Variants in DYNC1I1 observed in about 807,000 individuals in gnomAD.
DYNC1I1 encodes dynein cytoplasmic 1 intermediate chain 1, also known as cytoplasmic dynein 1 intermediate chain 1.
In DYNC1I1, 43 loss-of-function variants were observed where a neutral mutation model predicts 86.6. The ratio of observed to expected loss-of-function variants is 0.50; its 90% CI spans 0.39 to 0.64. The LOEUF is 0.64. Among genes scored for constraint, DYNC1I1 ranks in the 30% least tolerant of loss-of-function variants. The probability of loss-of-function intolerance (pLI) is 0.00; values close to 1 mark genes in which losing one functional copy is unlikely to be tolerated. For missense variants in DYNC1I1, 604 were observed against 788.8 expected (o/e 0.77, Z 2.81); for synonymous variants, 262 against 283.7 (o/e 0.92, Z 0.77).
intron 10 of DYNC1I1, among the ~76,000 whole-genome samples, chr7:96,000,722 T>C (rs1379579959): frequency 6.6e-6 from 1 of 152,212 alleles, no homozygotes; most frequent in Non-Finnish European, 1.5e-5. Context: ...TCATTCTTTA[T>C]CTACCCTCCT....
chr7:95,984,993 G>A lies in DYNC1I1; in HGVS notation c.743+16G>A, dbSNP rs764558914. On this transcript the variant is annotated intron_variant, in intron 8 of 16. Transcript: ENST00000447467. ...AAAAAGATGGGTTAGTCTCTTGTGT[G>A]CATTCTTTAAAAAATAGCGTAAGTT... 9 of 1,603,958 alleles carry A rather than the reference G, an allele frequency of 5.6e-6. No homozygotes were observed. The highest frequency in any genetic ancestry group is 2.2e-5 in the East Asian group (1 of 44,654).
At chr7:95,806,892 A>G (rs1037419973) in intron 2 of DYNC1I1, among the ~76,000 whole-genome samples, 3 of 152,172 alleles carry the variant, frequency 2.0e-5, no homozygotes, top group Admixed American at 6.6e-5. Context: ...ACATAAACAC[A>G]GTGATTATGC....
intron 6 of DYNC1I1, among the ~76,000 whole-genome samples, chr7:95,929,572 T>TACTCAAATCAGG (rs1367025796): frequency 1.3e-5 from 2 of 152,302 alleles, no homozygotes; most frequent in African/African-American, 2.4e-5. Flanking sequence ...TGCAGGAAAG[T>TACTCAAATCAGG]ACTCAAATCA....
At position 95,956,117 on chromosome 7, in the gene DYNC1I1, A is replaced by G. The variant is rs930404730; in HGVS notation, c.491-21395A>G. Among the ~76,000 whole-genome samples, 7 of 152,186 alleles carry G rather than the reference A, an allele frequency of 4.6e-5. No homozygotes were observed. The East Asian group carries it at 1.3e-3, about 29-fold the overall frequency. ...TTCCCTGTGATGTGATTGACAGTCT[A>G]TAACAGGAGTATTCCTAGCCATGTT... On this transcript the variant is annotated intron_variant, in intron 6 of 16. Coordinates refer to ENST00000447467, the MANE Select transcript of DYNC1I1 (RefSeq NM_001135556.2).
chr7:96,091,278 G>A (rs755576618), intron 16 of DYNC1I1, among the ~76,000 whole-genome samples: 4 of 152,138 alleles, frequency 2.6e-5, no homozygotes, highest in Non-Finnish European at 5.9e-5. Flanking sequence ...AAGGAAATCT[G>A]TAAGATATCT....
intron 14 of DYNC1I1, among the ~76,000 whole-genome samples, chr7:96,047,366 T>C (rs913864149): frequency 6.6e-6 from 1 of 152,348 alleles, no homozygotes; most frequent in Middle Eastern, 3.4e-3. Flanking sequence ...CCATCATTTA[T>C]TCCAAAGGTG....
At chr7:95,995,878 G>A (rs1206989149) in intron 9 of DYNC1I1, 70 bp from the exon 10 acceptor site, 11 of 1,533,346 alleles carry the variant, frequency 7.2e-6, no homozygotes, top group Non-Finnish European at 8.7e-6. Flanking sequence ...CCACGTGTAT[G>A]TAGGAATAAC....
At chr7:95,824,028 T>C (rs112112120) in intron 4 of DYNC1I1, among the ~76,000 whole-genome samples, 366 of 137,618 alleles carry the variant, frequency 2.7e-3, no homozygotes, top group African/African-American at 9.4e-3. Context: ...GGTCTTACTG[T>C]CACCCAGGCT....
rs116477657 is a variant in DYNC1I1, at chr7:95,847,416, A to G, written c.374+19300A>G. On this transcript the variant is annotated intron_variant, in intron 5 of 16. Coordinates refer to ENST00000447467, the MANE Select transcript of DYNC1I1 (RefSeq NM_001135556.2). ...GCCTTTGCTTGTAGGTTGTTTCTCA[A>G]TTCCATTTTCTCCACCCTCAGCTTC... Among the ~76,000 whole-genome samples the G allele has an allele frequency of 3.5e-3, 530 of 152,166 alleles. 6 individuals are homozygous for G. The highest frequency in any genetic ancestry group is 0.012 in the African/African-American group (517 of 41,536).
chr7:95,881,993 C>T (rs1790466574), intron 6 of DYNC1I1, among the ~76,000 whole-genome samples: 1 of 152,182 alleles, frequency 6.6e-6, no homozygotes, highest in Admixed American at 6.5e-5. Context: ...GATATATGCT[C>T]TGGCTGAGGA....
chr7:95,785,775 GTATATATATA>G (rs200152096), intron 1 of DYNC1I1, among the ~76,000 whole-genome samples: 4,520 of 124,788 alleles, frequency 0.036, 146 homozygotes, highest in African/African-American at 0.06. Context: ...GTGTGTATGT[GTATATATATA>G]TATATATATA....
intron 4 of DYNC1I1, among the ~76,000 whole-genome samples, chr7:95,823,028 C>T (rs1321020091): frequency 6.6e-6 from 1 of 152,138 alleles, no homozygotes; most frequent in East Asian, 1.9e-4. Context: ...TGCTGGACAT[C>T]TGGCTTCCCA....
At chr7:95,859,606 T>C (rs1789821804) in intron 5 of DYNC1I1, among the ~76,000 whole-genome samples, 1 of 152,252 alleles carries the variant, frequency 6.6e-6, no homozygotes, top group Non-Finnish European at 1.5e-5. Context: ...CTGAAAGCCT[T>C]TGGCAGCTGA....
chr7:95,917,845 A>C (rs891407931), intron 6 of DYNC1I1, among the ~76,000 whole-genome samples: 1 of 152,182 alleles, frequency 6.6e-6, no homozygotes, highest in Non-Finnish European at 1.5e-5. Context: ...GTCCTTCCAC[A>C]GGATGAAAAA....
chr7:96,035,225 C>G (rs1291878284), intron 12 of DYNC1I1, among the ~76,000 whole-genome samples: 1 of 152,132 alleles, frequency 6.6e-6, no homozygotes, highest in Non-Finnish European at 1.5e-5. Context: ...CTTAGTACAT[C>G]TGATATTAAT....
intron 7 of DYNC1I1, among the ~76,000 whole-genome samples, chr7:95,981,301 C>T (rs992057716): frequency 2.0e-5 from 3 of 151,846 alleles, no homozygotes; most frequent in African/African-American, 7.3e-5. Flanking sequence ...TTGAGGATAG[C>T]AGGAAAGGTC....
At chr7:96,090,055 TC>T in intron 16 of DYNC1I1, among the ~76,000 whole-genome samples, 1 of 152,266 alleles carries the variant, frequency 6.6e-6, no homozygotes, top group South Asian at 2.1e-4. Flanking sequence ...TTATTGCCCA[TC>T]AACCAGCGTT....
At chr7:95,797,010 G>A (rs1794454617) in intron 1 of DYNC1I1, among the ~76,000 whole-genome samples, 1 of 151,998 alleles carries the variant, frequency 6.6e-6, no homozygotes, top group Non-Finnish European at 1.5e-5. Flanking sequence ...ACTGCTACAT[G>A]CACAGTTTTT....
intron 14 of DYNC1I1, among the ~76,000 whole-genome samples, 168 bp from the exon 15 acceptor site, chr7:96,075,889 C>CACT (rs1169557095): frequency 6.6e-6 from 1 of 152,112 alleles, no homozygotes; most frequent in African/African-American, 2.4e-5. Context: ...TTATTTATGC[C>CACT]ACTGGACAGT....
Sources: gnomAD v4.1 joint callset for allele counts (sites outside exome capture counted in the v4.1 genomes callset) on GRCh38, gnomAD v4.1.1 for gene constraint, MANE v1.5 for transcripts, NCBI Gene and HGNC (gene_info 2026-07-23, HGNC 2026-07-21) for gene names.